Variants in CELA3A observed in about 807,000 individuals in gnomAD.
CELA3A encodes the protein chymotrypsin-like elastase family member 3A.
A neutral mutation model predicts 38.6 loss-of-function variants in CELA3A; 35 were observed. The observed-to-expected ratio is 0.91, with a 90% confidence interval of 0.69 to 1.20. The LOEUF is 1.20. Ranked by LOEUF, CELA3A falls within the 50% of genes most tolerant of loss-of-function variation. The pLI is 0.00. For synonymous variants in CELA3A, 143 were observed against 136.7 expected (o/e 1.05, Z -0.32); for missense variants, 343 against 354.2 (o/e 0.97, Z 0.25).
chr1:22,003,351 A>G (rs1192326953), intron 2 of CELA3A, among the ~76,000 whole-genome samples: 2 of 151,042 alleles, frequency 1.3e-5, no homozygotes, highest in Non-Finnish European at 2.9e-5. Flanking sequence ...CTGATGGTGG[A>G]ATTTCAGGCA....
chr1:22,008,026 C>T lies in CELA3A; in HGVS notation c.642+511C>T, dbSNP rs6681913. Among the ~76,000 whole-genome samples, 47 of 150,840 alleles carry T rather than the reference C, an allele frequency of 3.1e-4. 3 individuals carry two copies. The highest frequency in any genetic ancestry group is 4.9e-4 in the Non-Finnish European group (33 of 67,846). ...TTACTTAGTCAGGCATGGTGGCACT[C>T]GCCTGTAGTCCCAACTACTTGATAG... On this transcript the variant is annotated intron_variant, in intron 6 of 7. Transcript: ENST00000290122.
chr1:22,002,511 G>C (rs1198322639), intron 1 of CELA3A: 30 of 454,500 alleles, frequency 6.6e-5, no homozygotes, highest in Non-Finnish European at 9.7e-5. Context: ...TTATTTTATT[G>C]TACTTTATTT....
At chr1:22,003,605 TG>T (rs1644930974) in intron 2 of CELA3A, among the ~76,000 whole-genome samples, 1 of 150,416 alleles carries the variant, frequency 6.6e-6, no homozygotes, top group South Asian at 2.1e-4. Context: ...CCCTTGAACC[TG>T]GGAGTTGGAG....
At position 22,003,014 on chromosome 1, in the gene CELA3A, G is replaced by A. The variant is rs144477023; in HGVS notation, c.55G>A (p.Gly19Ser). The change falls in exon 2 of 8, where the codon GGC becomes AGC. Residue 19 changes from glycine (G) to serine (S), a missense_variant. Physicochemically the swap from Gly to Ser is moderately conservative, Grantham distance 56 (BLOSUM62 0). Transcript: ENST00000290122. ...CCTCTCCCCTCTAGCCTCAGGCTATGGCCCACCTTCCTCTCACTCTTCCAG... is the reference window on the plus strand; with the variant it reads ...CCTCTCCCCTCTAGCCTCAGGCTATAGCCCACCTTCCTCTCACTCTTCCAG... ...LLLVAVASGY[G>S]PPSSHSSSRV... 3.6e-5 allele frequency: 56 copies of A among 1,575,854 alleles called. 5 individuals are homozygous for A. The highest frequency in any genetic ancestry group is 3.9e-5 in the Non-Finnish European group (46 of 1,167,166).
Position 22,003,047 on chromosome 1 carries a change from G to A in CELA3A, c.88G>A (p.Val30Ile). The change falls in exon 2 of 8, where the codon GTC (valine) becomes ATC (isoleucine). Residue 30 changes from valine (V) to isoleucine (I), a missense_variant. Transcript: ENST00000290122. ...TTCCTCTCACTCTTCCAGCCGCGTT[G>A]TCCATGGTGAGGATGCGGTCCCCTA... is the stretch of plus-strand genomic sequence containing the variant. ...PPSSHSSSRV[V>I]HGEDAVPYSW... is the part of the protein sequence containing the mutation. The A allele has an allele frequency of 1.3e-6, 2 of 1,572,184 alleles. No individual in the cohort carries two copies. Among genetic ancestry groups the A allele is most frequent in the Non-Finnish European group, 1.7e-6 (2 of 1,167,452 alleles).
At chr1:22,001,810 T>C in intron 1 of CELA3A, 93 bp downstream of exon 1, 12 of 1,542,676 alleles carry the variant, frequency 7.8e-6, no homozygotes, top group Non-Finnish European at 1.1e-5. Context: ...TGACATGCTA[T>C]GCCTGGTTCC....
chr1:22,005,575 C>G (rs1331482765), intron 3 of CELA3A, 31 bp downstream of exon 3: 1 of 1,612,380 alleles, frequency 6.2e-7, no homozygotes, highest in African/African-American at 1.3e-5. Flanking sequence ...CTGCCTGTGG[C>G]CCTGGGCAGC....
intron 3 of CELA3A, 48 bp downstream of exon 3, chr1:22,005,592 G>A (rs1315423033): frequency 1.9e-6 from 3 of 1,612,152 alleles, no homozygotes; most frequent in African/African-American, 2.7e-5. Context: ...CAGCGGGGGA[G>A]AGTGGGTGAT....
Position 22,005,518 on chromosome 1 carries a change from G to C in CELA3A, c.201G>C (p.Trp67Cys). The change falls in exon 3 of 8, where the codon TGG becomes TGC. Residue 67 changes from tryptophan to cysteine, a missense_variant. Coordinates refer to ENST00000290122, the MANE Select transcript of CELA3A (RefSeq NM_005747.5). ...GCGGTAGCCTCATCGCCCCCGATTG[G>C]GTTGTGACTGCCGGCCACTGCATCT... ...TCGGSLIAPD[W>C]VVTAGHCISR... is the part of the protein sequence containing the mutation. 1 of 1,613,002 alleles carries C rather than the reference G, an allele frequency of 6.2e-7. No homozygotes were observed. The highest frequency in any genetic ancestry group is 8.5e-7 in the Non-Finnish European group (1 of 1,179,582).
In CELA3A at chr1:22,009,815, G is replaced by A. The variant is rs12908; in HGVS notation, c.753G>A (p.Thr251=). ...AFGCNFIWKP[T]VFTRVSAFID... ...GCTGCAACTTCATCTGGAAGCCCAC[G>A]GTGTTCACTCGAGTCTCCGCCTTCA... Residue 251 remains threonine, a synonymous_variant, in exon 7 of 8, where the codon ACG becomes ACA. Coordinates refer to ENST00000290122, the MANE Select transcript of CELA3A (RefSeq NM_005747.5). 381,486 of 1,601,318 alleles carry A rather than the reference G, an allele frequency of 0.24. 43,074 individuals carry two copies. Among genetic ancestry groups the A allele is most frequent in the Admixed American group, 0.41 (24,211 of 58,754 alleles).
chr1:22,008,245 G>T (rs1236934747), intron 6 of CELA3A, among the ~76,000 whole-genome samples: 5 of 143,808 alleles, frequency 3.5e-5, no homozygotes, highest in Non-Finnish European at 6.0e-5. Context: ...TGCCCTCCTG[G>T]GCTCAAGCAA....
chr1:22,006,832 G>T, intron 4 of CELA3A, 46 bp from the exon 5 acceptor site: 1 of 1,601,696 alleles, frequency 6.2e-7, no homozygotes, highest in Non-Finnish European at 8.5e-7. Context: ...GGTAGGACTT[G>T]GGCCGGCTGG....
At chr1:22,002,896 C>A in intron 1 of CELA3A, 107 bp from the exon 2 acceptor site, 2 of 1,013,928 alleles carry the variant, frequency 2.0e-6, no homozygotes, top group Middle Eastern at 2.2e-4. Context: ...AAGGGGCTTG[C>A]ATGGGGTCAC....
At chr1:22,001,978 T>C (rs1644921122) in intron 1 of CELA3A, among the ~76,000 whole-genome samples, 1 of 151,006 alleles carries the variant, frequency 6.6e-6, no homozygotes, top group Non-Finnish European at 1.5e-5. Flanking sequence ...GTCAAACGGT[T>C]AAGAGTTTGG....
At chr1:22,010,756 G>T (rs1644979096) in intron 7 of CELA3A, 1 of 150,350 alleles carries the variant, frequency 6.7e-6, no homozygotes, top group African/African-American at 2.5e-5. Context: ...TACCCATCAG[G>T]TTCTGCACCA....
At position 22,009,875 on chromosome 1, in the gene CELA3A, G is replaced by A. The variant is rs775008037; in HGVS notation, c.795+18G>A. On this transcript the variant is annotated intron_variant, in intron 7 of 7. Coordinates refer to ENST00000290122, the MANE Select transcript of CELA3A (RefSeq NM_005747.5). ...TTGAGGAGGTGAGGAGGGCAGGGCG[G>A]CCCGGAGGGCTTTAGGGTGGTGGCT... The A allele has an allele frequency of 6.2e-7, 1 of 1,608,178 alleles. No homozygotes were observed. The highest frequency in any genetic ancestry group is 1.7e-5 in the Admixed American group (1 of 58,278).
chr1:22,008,347 C>T (rs1478222573), intron 6 of CELA3A, among the ~76,000 whole-genome samples: 2 of 150,414 alleles, frequency 1.3e-5, no homozygotes, highest in Non-Finnish European at 3.0e-5. Context: ...GATGAGGTCT[C>T]ACCATGTTGC....
chr1:22,007,971 G>A (rs1644961281), intron 6 of CELA3A, among the ~76,000 whole-genome samples: 1 of 150,724 alleles, frequency 6.6e-6, no homozygotes, highest in Admixed American at 6.6e-5. Context: ...AGGTAATATA[G>A]TGAGATGCCC....
intron 2 of CELA3A, among the ~76,000 whole-genome samples, chr1:22,004,382 C>T (rs1644936624): frequency 2.0e-5 from 3 of 151,260 alleles, no homozygotes; most frequent in Admixed American, 2.0e-4. Context: ...CTGCTTGCCA[C>T]ATTTCAAATG....
Sources: allele counts gnomAD v4.1 joint callset (sites outside exome capture counted in the v4.1 genomes callset), GRCh38; gene constraint gnomAD v4.1.1; transcripts MANE v1.5; gene names NCBI Gene and HGNC (gene_info 2026-07-23, HGNC 2026-07-21).